The following TBC1D8B variants were observed in gnomAD, a reference collection of about 807,000 sequenced individuals.
The protein encoded by TBC1D8B is RP11-321G1.1.
Under a neutral mutation model 82.9 loss-of-function variants are expected in TBC1D8B, and 75 were observed. That is an observed-to-expected ratio of 0.90 (90% CI 0.75 to 1.10). The LOEUF is 1.10. Ranked by LOEUF, TBC1D8B falls within the 50% of genes least tolerant of loss-of-function variation. TBC1D8B has a pLI of 0.00. For missense variants in TBC1D8B, 794 were observed against 796.9 expected (o/e 1.00, Z 0.04); for synonymous variants, 276 against 276.8 (o/e 1.00, Z 0.03).
At chrX:106,854,094 T>A in intron 13 of TBC1D8B, 104 bp from the exon 14 acceptor site, 1 of 577,570 alleles carries the variant, frequency 1.7e-6, no homozygotes, top group Non-Finnish European at 2.5e-6. Flanking sequence ...TCCCTAGAAA[T>A]AGAATCAAGG....
In TBC1D8B at chrX:106,802,813, G is replaced by C. The variant is rs1247949538; in HGVS notation, c.-41G>C. On this transcript the variant is annotated 5_prime_UTR_variant, in exon 1 of 21. Coordinates refer to ENST00000357242, the MANE Select transcript of TBC1D8B (RefSeq NM_017752.3). ...AGACGGGTTGAGAGTGAGGTGAGGAGGGCATCTAGGTCACTGCTCCCGGGG... is the reference window on the plus strand; with the variant it reads ...AGACGGGTTGAGAGTGAGGTGAGGACGGCATCTAGGTCACTGCTCCCGGGG... 8.3e-7 allele frequency: 1 copy of C among 1,206,781 alleles called. No homozygotes were observed. Among genetic ancestry groups the C allele is most frequent in the Non-Finnish European group, 1.1e-6 (1 of 892,656 alleles).
chrX:106,836,760 G>A (rs762062008), intron 7 of TBC1D8B, among the ~76,000 whole-genome samples: 1 of 111,342 alleles, frequency 9.0e-6, no homozygotes, highest in South Asian at 3.8e-4. Flanking sequence ...AACAAAGTTG[G>A]AAGACTCATG....
chrX:106,833,063 TA>T (rs1386863662), intron 7 of TBC1D8B, among the ~76,000 whole-genome samples: 4 of 111,525 alleles, frequency 3.6e-5, no homozygotes, highest in African/African-American at 9.7e-5. Context: ...CATTTGTTTA[TA>T]TTTTTTTGTT....
At chrX:106,867,285 G>A (rs1181929160) in intron 17 of TBC1D8B, among the ~76,000 whole-genome samples, 2 of 111,804 alleles carry the variant, frequency 1.8e-5, no homozygotes, top group East Asian at 5.6e-4. Flanking sequence ...TAAAAAGGAA[G>A]CACAATAAAC....
intron 15 of TBC1D8B, 39 bp downstream of exon 15, chrX:106,865,666 T>G: frequency 8.9e-7 from 1 of 1,129,287 alleles, no homozygotes; most frequent in Non-Finnish European, 1.2e-6. Flanking sequence ...TAATGCTTTT[T>G]TTTAGCAGAA....
chrX:106,848,178 A>C lies in TBC1D8B; in HGVS notation c.1720-8A>C. ...TTGCTTTTTAATACTGTTTTCTATG[A>C]ATTTTAGGCAATGAATATTTTGACT... On this transcript the variant is annotated splice_region_variant and splice_polypyrimidine_tract_variant and intron_variant, in intron 10 of 20. Coordinates refer to ENST00000357242, the MANE Select transcript of TBC1D8B (RefSeq NM_017752.3). 8.8e-7 allele frequency: 1 copy of C among 1,137,630 alleles called. No individual in the cohort carries two copies. Among genetic ancestry groups the C allele is most frequent in the Non-Finnish European group, 1.2e-6 (1 of 845,900 alleles). 93.8% of individuals were successfully genotyped at this position (1,137,630 alleles called of 1,213,427 possible).
chrX:106,853,402 T>G, intron 12 of TBC1D8B, 119 bp from the exon 13 acceptor site: 1 of 667,252 alleles, frequency 1.5e-6, no homozygotes, highest in East Asian at 3.4e-5. Flanking sequence ...TCATAAGACC[T>G]TCCCTTGTCC....
chrX:106,860,641 G>T (rs186949569), intron 14 of TBC1D8B, among the ~76,000 whole-genome samples: 1 of 110,267 alleles, frequency 9.1e-6, no homozygotes, highest in African/African-American at 3.3e-5. Context: ...TTAGCTAGTG[G>T]TCTATCAGTC....
intron 2 of TBC1D8B, among the ~76,000 whole-genome samples, chrX:106,819,391 T>G (rs1931636225): frequency 9.0e-6 from 1 of 111,007 alleles, no homozygotes; most frequent in African/African-American, 3.3e-5. Flanking sequence ...AAATAAATTT[T>G]TAAAAAGCTG....
chrX:106,827,022 G>A, intron 6 of TBC1D8B, 148 bp from the exon 7 acceptor site: 6 of 553,323 alleles, frequency 1.1e-5, no homozygotes, highest in Non-Finnish European at 1.8e-5. Flanking sequence ...TGTATGATTG[G>A]TGCAACTAGT....
intron 4 of TBC1D8B, among the ~76,000 whole-genome samples, chrX:106,822,834 CAA>C (rs745979696): frequency 2.8e-4 from 15 of 53,185 alleles, no homozygotes; most frequent in Admixed American, 2.3e-4. Context: ...TCTGTCTCTA[CAA>C]AAAAAAAAAA....
intron 7 of TBC1D8B, among the ~76,000 whole-genome samples, chrX:106,838,013 T>C (rs1365401483): frequency 5.4e-5 from 6 of 111,667 alleles, no homozygotes; most frequent in African/African-American, 2.0e-4. Flanking sequence ...TGTTTTGGGT[T>C]TTAATAGGTG....
intron 14 of TBC1D8B, among the ~76,000 whole-genome samples, chrX:106,862,473 A>G (rs7055729): frequency 0.087 from 9,714 of 111,361 alleles, 1,011 homozygotes; most frequent in African/African-American, 0.3. Context: ...TAAAATGGTC[A>G]TTTTGTCTTT....
chrX:106,868,249 A>C (rs765984511), intron 17 of TBC1D8B, 144 bp from the exon 18 acceptor site: 1 of 277,367 alleles, frequency 3.6e-6, no homozygotes, highest in African/African-American at 2.8e-5. Flanking sequence ...GTAGAGTAGA[A>C]CCACTTCTGT....
chrX:106,850,045 G>A lies in TBC1D8B; in HGVS notation c.1858G>A (p.Val620Ile), dbSNP rs1398778389. The change falls in exon 12 of 21, where the codon GTC becomes ATC. Residue 620 changes from valine to isoleucine, a missense_variant. By Grantham distance (29) the Val-to-Ile change is conservative. Coordinates refer to ENST00000357242, the MANE Select transcript of TBC1D8B (RefSeq NM_017752.3). ...TGTAGGTGCCTTGGTGGATCAGGCA[G>A]TCTTTGAAGAACTTATCAGGGATCA... ...RIIGALVDQA[V>I]FEELIRDHLP... is the part of the protein sequence containing the mutation. 8.3e-6 allele frequency: 10 copies of A among 1,202,716 alleles called. No homozygotes were observed. The highest frequency in any genetic ancestry group is 5.5e-5 in the South Asian group (3 of 54,492).
At chrX:106,804,630 C>T (rs1466524190) in intron 1 of TBC1D8B, among the ~76,000 whole-genome samples, 1 of 111,551 alleles carries the variant, frequency 9.0e-6, no homozygotes, top group Non-Finnish European at 1.9e-5. Context: ...AGGCCGGGCA[C>T]GGTGGTTTAT....
chrX:106,833,854 C>A (rs1354300621), intron 7 of TBC1D8B, among the ~76,000 whole-genome samples: 1 of 110,851 alleles, frequency 9.0e-6, no homozygotes, highest in African/African-American at 3.3e-5. Context: ...GCTTGAGATC[C>A]AGACTACAAC....
intron 14 of TBC1D8B, among the ~76,000 whole-genome samples, chrX:106,859,184 A>G (rs1386543284): frequency 8.9e-6 from 1 of 111,993 alleles, no homozygotes; most frequent in African/African-American, 3.2e-5. Flanking sequence ...TGCTTTGGCT[A>G]TTTGGGCTCC....
intron 1 of TBC1D8B, 139 bp downstream of exon 1, chrX:106,803,122 C>T (rs750797046): frequency 4.4e-4 from 310 of 705,009 alleles, no homozygotes; most frequent in Non-Finnish European, 5.5e-4. Flanking sequence ...CTCCCGACAC[C>T]ACCTTTCCGC....
Sources: allele counts gnomAD v4.1 joint callset (sites outside exome capture counted in the v4.1 genomes callset), GRCh38; gene constraint gnomAD v4.1.1; transcripts MANE v1.5; gene names NCBI Gene and HGNC (gene_info 2026-07-23, HGNC 2026-07-21).